TMEM74: variants seen among roughly 807,000 people sequenced by gnomAD.
TMEM74 encodes the protein transmembrane protein 74.
Under a neutral mutation model 18.1 loss-of-function variants are expected in TMEM74, and 13 were observed. The ratio of observed to expected loss-of-function variants is 0.72; its 90% CI spans 0.47 to 1.14. The LOEUF is 1.14. TMEM74 is among the 50% of genes most tolerant of loss of function. The pLI, the probability that TMEM74 is intolerant of heterozygous loss-of-function variation, is 0.00. For synonymous variants in TMEM74, 159 were observed against 146.6 expected (o/e 1.08, Z -0.61); for missense variants, 372 against 375.9 (o/e 0.99, Z 0.09).
chr8:108,610,651 T>C (rs1391280095), intron 2 of TMEM74, among the ~76,000 whole-genome samples: 1 of 152,090 alleles, frequency 6.6e-6, no homozygotes, highest in Non-Finnish European at 1.5e-5. Flanking sequence ...AAAAAAAGTG[T>C]CCAGGCTGGG....
chr8:108,704,012 G>A (rs552981618), intron 1 of TMEM74, among the ~76,000 whole-genome samples: 2 of 152,208 alleles, frequency 1.3e-5, no homozygotes, highest in East Asian at 3.9e-4. Flanking sequence ...ATTGGCAGAA[G>A]TATAAGGAAC....
At chr8:108,741,535 A>T (rs180755924) in intron 1 of TMEM74, among the ~76,000 whole-genome samples, 6 of 152,322 alleles carry the variant, frequency 3.9e-5, no homozygotes, top group Non-Finnish European at 5.9e-5. Context: ...CCTCCCTCAG[A>T]TCAGCCCAAC....
chr8:108,654,848 A>T (rs1812805869), intron 2 of TMEM74, among the ~76,000 whole-genome samples: 1 of 151,742 alleles, frequency 6.6e-6, no homozygotes, highest in African/African-American at 2.4e-5. Context: ...TGCATGCAGA[A>T]CTCTCTTGTA....
chr8:108,688,777 T>C lies in TMEM74; in HGVS notation n.120-33340A>G, dbSNP rs118057817. Among the ~76,000 whole-genome samples, 914 of 152,334 alleles carry C rather than the reference T, an allele frequency of 6.0e-3. 7 individuals are homozygous for C. Among genetic ancestry groups the C allele is most frequent in the Non-Finnish European group, 9.4e-3 (638 of 68,028 alleles). ...ATCAAGCCTTGCCACCAGTCCAGTATTACCTTCATTTGTGGTTAGCTTCCC... is the reference window on the plus strand; with the variant it reads ...ATCAAGCCTTGCCACCAGTCCAGTACTACCTTCATTTGTGGTTAGCTTCCC... On this transcript the variant is annotated intron_variant and non_coding_transcript_variant, in intron 1 of 3. Transcript: ENST00000518838.
chr8:108,629,302 AAAACAAAGACTTC>A (rs1352459925), intron 2 of TMEM74, among the ~76,000 whole-genome samples: 1 of 152,034 alleles, frequency 6.6e-6, no homozygotes, highest in Non-Finnish European at 1.5e-5. Context: ...TGAAAAGGAA[AAAACAAAGACTTC>A]AAGAAATATG....
At chr8:108,773,176 G>C (rs1483660112) in intron 1 of TMEM74, among the ~76,000 whole-genome samples, 1 of 152,000 alleles carries the variant, frequency 6.6e-6, no homozygotes, top group Non-Finnish European at 1.5e-5. Context: ...GCTCAGCTCT[G>C]CACTCAGGTC....
intron 1 of TMEM74, among the ~76,000 whole-genome samples, chr8:108,723,096 T>G (rs999599974): frequency 2.6e-5 from 4 of 152,154 alleles, no homozygotes; most frequent in African/African-American, 9.7e-5. Flanking sequence ...TGCAGTGAGC[T>G]CATTTGACCC....
intron 1 of TMEM74, among the ~76,000 whole-genome samples, chr8:108,729,291 C>T (rs1333246194): frequency 1.3e-5 from 2 of 152,174 alleles, no homozygotes; most frequent in Non-Finnish European, 2.9e-5. Flanking sequence ...TTTAATCATG[C>T]TCTTCATGTG....
rs1814284798 is a variant in TMEM74, at chr8:108,780,120, G to GA, written c.*4060dup. ...TGGGAAAGGTTAAACCCATTACAGA[G>GA]AACAGTAAGTATTGATAGTATTACA... On this transcript the variant is annotated 3_prime_UTR_variant, in exon 2 of 2. Transcript: ENST00000297459. Among the ~76,000 whole-genome samples the GA allele has an allele frequency of 6.6e-6, 1 of 152,130 alleles. No homozygotes were observed.
At chr8:108,775,561 T>C (rs1814224495), downstream of TMEM74, among the ~76,000 whole-genome samples, 1 of 152,206 alleles carries the variant, frequency 6.6e-6, no homozygotes, top group Non-Finnish European at 1.5e-5. Context: ...CTGAGTTGTT[T>C]CTTTGTTTCC....
intron 1 of TMEM74, among the ~76,000 whole-genome samples, chr8:108,748,879 A>G (rs2130651515): frequency 6.6e-6 from 1 of 152,122 alleles, no homozygotes; most frequent in East Asian, 1.9e-4. Flanking sequence ...TATTTTTGTC[A>G]AGTTTGTCAA....
intron 1 of TMEM74, among the ~76,000 whole-genome samples, chr8:108,745,014 C>T (rs561295144): frequency 3.3e-5 from 5 of 152,042 alleles, no homozygotes; most frequent in Non-Finnish European, 5.9e-5. Context: ...TGATAGTAAC[C>T]ACATTTAGAG....
intron 1 of TMEM74, among the ~76,000 whole-genome samples, chr8:108,731,732 TTAA>T: frequency 6.6e-6 from 1 of 152,120 alleles, no homozygotes; most frequent in Admixed American, 6.5e-5. Flanking sequence ...TGTCTGATAT[TTAA>T]AAAAAATGTT....
intron 1 of TMEM74, among the ~76,000 whole-genome samples, chr8:108,767,871 G>T (rs537950030): frequency 6.8e-6 from 1 of 147,128 alleles, no homozygotes; most frequent in Non-Finnish European, 1.5e-5. Context: ...ACCATATACC[G>T]TTTTTTTTCA....
intron 1 of TMEM74, among the ~76,000 whole-genome samples, chr8:108,702,927 T>TAAA (rs34327038): frequency 2.8e-5 from 4 of 141,700 alleles, no homozygotes; most frequent in African/African-American, 1.0e-4. Flanking sequence ...GGAATTTTGT[T>TAAA]AAAAAAAAAA....
chr8:108,663,637 C>T (rs1812921855), intron 1 of TMEM74, among the ~76,000 whole-genome samples: 1 of 152,074 alleles, frequency 6.6e-6, no homozygotes, highest in Non-Finnish European at 1.5e-5. Context: ...ATAAATCATT[C>T]TATTATAAAG....
intron 1 of TMEM74, among the ~76,000 whole-genome samples, chr8:108,669,123 TAG>T (rs1268983489): frequency 1.3e-5 from 2 of 152,094 alleles, no homozygotes; most frequent in Non-Finnish European, 2.9e-5. Context: ...AGGTTGCTGT[TAG>T]AGCATATGCA....
chr8:108,752,938 CATT>C (rs1278511764), intron 1 of TMEM74, among the ~76,000 whole-genome samples: 3 of 152,068 alleles, frequency 2.0e-5, no homozygotes, highest in Admixed American at 6.6e-5. Context: ...AAGGAGGAGA[CATT>C]AGTGTCACTA....
chr8:108,633,105 T>G (rs1393851458), intron 2 of TMEM74, among the ~76,000 whole-genome samples: 1 of 152,022 alleles, frequency 6.6e-6, no homozygotes, highest in African/African-American at 2.4e-5. Context: ...CCTTGGTTGT[T>G]TCTGTGAAAA....
Sources: gnomAD v4.1 joint callset for allele counts (sites outside exome capture counted in the v4.1 genomes callset) on GRCh38, gnomAD v4.1.1 for gene constraint, MANE v1.5 for transcripts, NCBI Gene and HGNC (gene_info 2026-07-23, HGNC 2026-07-21) for gene names.